The following NXPE4 variants were observed in gnomAD, a reference collection of about 807,000 sequenced individuals.
NXPE4 encodes the protein neurexophilin and PC-esterase domain family member 4, also known as NXPE family member 4.
NXPE4 carries 42 observed loss-of-function variants against 33.3 expected under a neutral mutation model. That is an observed-to-expected ratio of 1.26 (90% CI 0.98 to 1.63). NXPE4 has a LOEUF of 1.63. NXPE4 is among the 40% of genes most tolerant of loss of function. NXPE4 has a pLI of 0.00. For synonymous variants in NXPE4, 253 were observed against 234.9 expected, an observed-to-expected ratio of 1.08 and a Z score of -0.71; for missense variants, 709 against 647.6, an observed-to-expected ratio of 1.09 and a Z score of -1.03.
chr11:114,631,299 T>A, the NXPE4 span, among the ~76,000 whole-genome samples: 1 of 151,594 alleles, frequency 6.6e-6, no homozygotes, highest in Middle Eastern at 3.4e-3. Flanking sequence ...ATAGACTGGA[T>A]TAAGAAAATG....
At chr11:114,622,819 A>C in the NXPE4 span, among the ~76,000 whole-genome samples, 5 of 151,908 alleles carry the variant, frequency 3.3e-5, no homozygotes, top group Admixed American at 3.3e-4. Flanking sequence ...ATGGGTTACC[A>C]CTCTTACCCA....
At chr11:114,640,547 G>A in the NXPE4 span, among the ~76,000 whole-genome samples, 1 of 151,720 alleles carries the variant, frequency 6.6e-6, no homozygotes, top group Non-Finnish European at 1.5e-5. Context: ...TTTACACAGA[G>A]GTTGTACTAA....
chr11:114,622,747 C>G, the NXPE4 span, among the ~76,000 whole-genome samples: 1,329 of 150,542 alleles, frequency 8.8e-3, 19 homozygotes, highest in African/African-American at 0.031. Flanking sequence ...CACTGTTACC[C>G]AGCGGATAAG....
chr11:114,636,850 T>C, the NXPE4 span, among the ~76,000 whole-genome samples: 1 of 152,156 alleles, frequency 6.6e-6, no homozygotes, highest in Non-Finnish European at 1.5e-5. Context: ...ATTTCTGTTC[T>C]TTTACATTTT....
the NXPE4 span, among the ~76,000 whole-genome samples, chr11:114,627,920 A>G: frequency 6.6e-5 from 10 of 152,026 alleles, no homozygotes; most frequent in Non-Finnish European, 1.3e-4. Flanking sequence ...AAAGAGACAA[A>G]GAAGGCCATT....
chr11:114,628,199 C>T, the NXPE4 span, among the ~76,000 whole-genome samples: 2 of 144,354 alleles, frequency 1.4e-5, no homozygotes, highest in African/African-American at 5.4e-5. Context: ...CTCTCCACCC[C>T]AAATCAACAG....
the NXPE4 span, among the ~76,000 whole-genome samples, chr11:114,613,393 CGTGG>C: frequency 2.9e-4 from 44 of 151,058 alleles, no homozygotes; most frequent in Admixed American, 2.8e-3. Flanking sequence ...AGTGTTGCCT[CGTGG>C]GTGGGTAAGC....
intron 5 of NXPE4, 134 bp downstream of exon 5, chr11:114,579,998 C>T: frequency 1.4e-6 from 1 of 724,890 alleles, no homozygotes; most frequent in Non-Finnish European, 2.4e-6. Context: ...ATAACAATGC[C>T]TTGTGAAAAA....
the NXPE4 span, among the ~76,000 whole-genome samples, chr11:114,610,192 G>C: frequency 0.25 from 38,365 of 151,578 alleles, 5,488 homozygotes; most frequent in African/African-American, 0.37. Flanking sequence ...GTATTGCCAC[G>C]TGGGTAGCCA....
At chr11:114,628,066 T>C in the NXPE4 span, among the ~76,000 whole-genome samples, 1 of 149,806 alleles carries the variant, frequency 6.7e-6, no homozygotes, top group East Asian at 1.9e-4. Context: ...CACACGTTAA[T>C]AATGGGAGAC....
chr11:114,629,112 A>T, the NXPE4 span, among the ~76,000 whole-genome samples: 3 of 151,956 alleles, frequency 2.0e-5, no homozygotes, highest in Non-Finnish European at 4.4e-5. Context: ...AACTGGTACC[A>T]TTCCTTCTGA....
chr11:114,588,253 C>CA (rs2135267091), intron 2 of NXPE4, among the ~76,000 whole-genome samples: 1 of 152,284 alleles, frequency 6.6e-6, no homozygotes, highest in East Asian at 1.9e-4. Flanking sequence ...CCCCACTCCC[C>CA]TAGCTTCACT....
At chr11:114,670,150 C>T in the NXPE4 span, among the ~76,000 whole-genome samples, 3 of 151,938 alleles carry the variant, frequency 2.0e-5, no homozygotes, top group Non-Finnish European at 4.4e-5. Flanking sequence ...AGTTTATGCC[C>T]CAGGACCTTG....
At chr11:114,614,330 C>G in the NXPE4 span, among the ~76,000 whole-genome samples, 2 of 151,266 alleles carry the variant, frequency 1.3e-5, no homozygotes, top group Non-Finnish European at 2.9e-5. Flanking sequence ...ACCACGGTTA[C>G]CTGATGGATA....
At chr11:114,619,846 A>C in the NXPE4 span, among the ~76,000 whole-genome samples, 1 of 151,948 alleles carries the variant, frequency 6.6e-6, no homozygotes, top group East Asian at 1.9e-4. Flanking sequence ...GTTGGTAACC[A>C]GTGTTACCCG....
At chr11:114,636,679 T>G in the NXPE4 span, among the ~76,000 whole-genome samples, 160 of 152,196 alleles carry the variant, frequency 1.1e-3, no homozygotes, top group African/African-American at 3.7e-3. Flanking sequence ...TTCTCATTGA[T>G]TTCAAAGAAC....
Position 114,571,228 on chromosome 11 carries a change from G to C in NXPE4, c.1345C>G (p.Arg449Gly), listed in dbSNP as rs750280300. The change falls in exon 6 of 6, where the codon CGA (arginine) becomes GGA (glycine). Residue 449 changes from arginine to glycine, a missense_variant. Arg to Gly is a moderately radical substitution (Grantham distance 125). Coordinates refer to ENST00000375478, the MANE Select transcript of NXPE4 (RefSeq NM_001077639.2). ...FRPFPIDVFI[R>G]RALNVHKAIQ... Reference sequence around the variant, plus strand: ...GCTTTGTGGACATTGAGGGCCCTTCGGATAAAAACATCAATGGGAAAGGGT... The same window carrying C: ...GCTTTGTGGACATTGAGGGCCCTTCCGATAAAAACATCAATGGGAAAGGGT... 7.4e-6 allele frequency: 12 copies of C among 1,613,950 alleles called. No homozygotes were observed. Among genetic ancestry groups the C allele is most frequent in the Non-Finnish European group, 9.3e-6 (11 of 1,179,932 alleles).
chr11:114,663,436 TG>T, the NXPE4 span, among the ~76,000 whole-genome samples: 1 of 151,974 alleles, frequency 6.6e-6, no homozygotes, highest in Non-Finnish European at 1.5e-5. Context: ...TAAAATAAAA[TG>T]GGGGTTGTCT....
At chr11:114,607,357 C>A in the NXPE4 span, among the ~76,000 whole-genome samples, 4 of 151,946 alleles carry the variant, frequency 2.6e-5, no homozygotes, top group Non-Finnish European at 5.9e-5. Flanking sequence ...TCGTGGGTAA[C>A]CACTGTTATC....
Sources: gnomAD v4.1 joint callset for allele counts (sites outside exome capture counted in the v4.1 genomes callset) on GRCh38, gnomAD v4.1.1 for gene constraint, MANE v1.5 for transcripts, NCBI Gene and HGNC (gene_info 2026-07-23, HGNC 2026-07-21) for gene names.